SOHLH1: variants seen among roughly 807,000 people sequenced by gnomAD.
SOHLH1 encodes the protein spermatogenesis- and oogenesis-specific basic helix-loop-helix-containing protein 1.
Under a neutral mutation model 36.2 loss-of-function variants are expected in SOHLH1, and 23 were observed. The observed-to-expected ratio is 0.64, with a 90% CI of 0.46 to 0.90. The LOEUF (loss-of-function observed/expected upper bound fraction) is 0.90. Ranked by LOEUF, SOHLH1 falls within the 40% of genes least tolerant of loss-of-function variation. The pLI, the probability that SOHLH1 is intolerant of heterozygous loss-of-function variation, is 0.00. For synonymous variants in SOHLH1, 289 were observed against 228.3 expected (o/e 1.27, Z -2.40); for missense variants, 608 against 517.0 (o/e 1.18, Z -1.71).
Position 135,693,449 on chromosome 9 carries a change from A to G in SOHLH1, c.*148T>C, listed in dbSNP as rs1588227838. On this transcript the variant is annotated 3_prime_UTR_variant, in exon 8 of 8. Coordinates refer to ENST00000425225, the MANE Select transcript of SOHLH1 (RefSeq NM_001101677.2). ...AAACTGCTTTCCCTCTTTAATATTC[A>G]CTATCCTCTTCTCACAGCCTGTAAG... is the stretch of plus-strand genomic sequence containing the variant. 8.8e-7 allele frequency: 1 copy of G among 1,138,612 alleles called. No individual in the cohort carries two copies. Among genetic ancestry groups the G allele is most frequent in the Non-Finnish European group, 1.2e-6 (1 of 825,336 alleles). 70.5% of individuals were successfully genotyped at this position (1,138,612 alleles called of 1,614,324 possible).
At position 135,694,374 on chromosome 9, in the gene SOHLH1, G is replaced by C. The variant is rs1834706850; in HGVS notation, c.946+13C>G. ...CGCGGGGGGACCAGCCCTGAACCCA[G>C]GGCCCCACTCACCCGGCCACGAGCT... is the stretch of plus-strand genomic sequence containing the variant. On this transcript the variant is annotated intron_variant, in intron 7 of 7. Transcript: ENST00000425225. 2 of 1,612,954 alleles carry C rather than the reference G, an allele frequency of 1.2e-6. No individual in the cohort carries two copies. The highest frequency in any genetic ancestry group is 1.7e-6 in the Non-Finnish European group (2 of 1,179,994).
upstream of SOHLH1, among the ~76,000 whole-genome samples, chr9:135,701,235 C>G (rs944882651): frequency 6.6e-6 from 1 of 152,186 alleles, no homozygotes; most frequent in Non-Finnish European, 1.5e-5. Flanking sequence ...CCACCCACCC[C>G]TCAAAAGCAT....
In SOHLH1 at chr9:135,694,155, G is replaced by A. The variant is rs761117651; in HGVS notation, c.946+232C>T. 1,061 of 1,434,864 alleles carry A rather than the reference G, an allele frequency of 7.4e-4. 1 individual carries two copies. The highest frequency in any genetic ancestry group is 1.0e-3 in the Admixed American group (37 of 35,638). 88.9% of individuals were successfully genotyped at this position (1,434,864 alleles called of 1,614,324 possible). A position where few individuals can be genotyped will look rare whatever the true frequency, so the allele number is the denominator to read the frequency against. ...GGAAGAATACAGGGCTCCAAGCACC[G>A]CCAGCTCTCATGCAGGCTCGTCCAC... is the stretch of plus-strand genomic sequence containing the variant. On this transcript the variant is annotated intron_variant, in intron 7 of 7. Coordinates refer to ENST00000425225, the MANE Select transcript of SOHLH1 (RefSeq NM_001101677.2).
intron 5 of SOHLH1, among the ~76,000 whole-genome samples, chr9:135,695,890 C>T (rs775930934): frequency 1.3e-5 from 2 of 152,278 alleles, no homozygotes; most frequent in East Asian, 1.9e-4. Flanking sequence ...TGGGAGGCCT[C>T]GGGCCCCTGG....
upstream of SOHLH1, among the ~76,000 whole-genome samples, chr9:135,701,913 C>G (rs1016859444): frequency 6.6e-6 from 1 of 152,216 alleles, no homozygotes; most frequent in Non-Finnish European, 1.5e-5. Context: ...CACCACGGAG[C>G]CCTCCCAGGG....
upstream of SOHLH1, among the ~76,000 whole-genome samples, chr9:135,701,897 C>G (rs1835045904): frequency 6.6e-6 from 1 of 152,216 alleles, no homozygotes; most frequent in Admixed American, 6.5e-5. Context: ...CCCCTGAGCC[C>G]CCGCCCACCA....
chr9:135,697,038 C>T (rs1018052745), intron 4 of SOHLH1, among the ~76,000 whole-genome samples: 2 of 152,208 alleles, frequency 1.3e-5, no homozygotes, highest in African/African-American at 4.8e-5. Flanking sequence ...AGCTAATTAG[C>T]CACCAGTCCC....
intron 7 of SOHLH1, 115 bp downstream of exon 7, chr9:135,694,272 G>A (rs1039790155): frequency 2.4e-5 from 37 of 1,564,536 alleles, no homozygotes; most frequent in Non-Finnish European, 3.1e-5. Flanking sequence ...GAAAACGGGG[G>A]CTCAGACACA....
At chr9:135,695,781 C>T (rs1834767752) in intron 5 of SOHLH1, among the ~76,000 whole-genome samples, 1 of 152,110 alleles carries the variant, frequency 6.6e-6, no homozygotes, top group African/African-American at 2.4e-5. Context: ...GAGGGGAGTT[C>T]GGTCATCAGA....
upstream of SOHLH1, among the ~76,000 whole-genome samples, chr9:135,700,336 TC>T (rs957679117): frequency 6.6e-6 from 1 of 151,636 alleles, no homozygotes; most frequent in Non-Finnish European, 1.5e-5. Context: ...TGGGCTTGAG[TC>T]CCCCAGTACA....
In SOHLH1 at chr9:135,693,588, G is replaced by C. The variant is rs1251161878; in HGVS notation, c.*9C>G. ...CGGCCCCGCCCGCCTCCTCTCCACA[G>C]CCTGGCTGCTAGCAGGCAAAGAAGT... On this transcript the variant is annotated 3_prime_UTR_variant, in exon 8 of 8. Transcript: ENST00000425225. 1 of 1,558,098 alleles carries C rather than the reference G, an allele frequency of 6.4e-7. No individual in the cohort carries two copies. The highest frequency in any genetic ancestry group is 2.4e-5 in the East Asian group (1 of 41,510).
rs563127995 is a variant in SOHLH1, at chr9:135,694,275, C to G, written c.946+112G>C. On this transcript the variant is annotated intron_variant, in intron 7 of 7. Coordinates refer to ENST00000425225, the MANE Select transcript of SOHLH1 (RefSeq NM_001101677.2). ...ACCAACGGTGGAGAAAACGGGGGCT[C>G]AGACACAGACCCTGGGGCCCCCTGA... The G allele has an allele frequency of 3.8e-6, 6 of 1,570,888 alleles. No homozygotes were observed. The East Asian group carries it at 1.4e-4, about 36-fold the overall frequency.
chr9:135,697,911 T>A (rs503539), intron 3 of SOHLH1, among the ~76,000 whole-genome samples: 12 of 151,682 alleles, frequency 7.9e-5, no homozygotes, highest in Non-Finnish European at 1.6e-4. Flanking sequence ...ACACAGGTCC[T>A]CAGCCCCAGC....
chr9:135,693,708 G>A lies in SOHLH1; in HGVS notation c.1053C>T (p.Ser351=), dbSNP rs370849984. The change falls in exon 8 of 8, where the codon TCC becomes TCT. Residue 351 remains serine, a synonymous_variant. Transcript: ENST00000425225. ...PGFLGDPELG[S]QELQDSPLEP... ...CCAGAGGGCTGTCCTGGAGCTCCTG[G>A]GAGCCAAGCTCAGGGTCCCCTAGGA... The A allele has an allele frequency of 1.3e-6, 2 of 1,575,200 alleles. No homozygotes were observed. The highest frequency in any genetic ancestry group is 8.6e-7 in the Non-Finnish European group (1 of 1,161,320).
intron 4 of SOHLH1, among the ~76,000 whole-genome samples, chr9:135,697,040 A>C (rs966056654): frequency 5.3e-5 from 8 of 152,164 alleles, no homozygotes; most frequent in African/African-American, 1.7e-4. Context: ...CTAATTAGCC[A>C]CCAGTCCCAT....
rs558571915 is a variant in SOHLH1, at chr9:135,694,455, G to A, written c.878C>T (p.Ser293Phe). 2 of 1,613,026 alleles carry A rather than the reference G, an allele frequency of 1.2e-6. No individual in the cohort carries two copies. The highest frequency in any genetic ancestry group is 2.2e-5 in the East Asian group (1 of 44,872). Residue 293 changes from serine to phenylalanine, a missense_variant and splice_region_variant, in exon 7 of 8, where the codon TCT (serine) becomes TTT (phenylalanine). Physicochemically the swap from Ser to Phe is radical, Grantham distance 155. Transcript: ENST00000425225. ...ATCGTCCACATCAGACCCCAACGCAGACCTGGAAGCGACAAGCTCTTCCTC... is the reference window on the plus strand; with the variant it reads ...ATCGTCCACATCAGACCCCAACGCAAACCTGGAAGCGACAAGCTCTTCCTC... ...EDPMLAQEAG[S>F]ALGSDVDDGT...
intron 4 of SOHLH1, among the ~76,000 whole-genome samples, chr9:135,697,159 G>A (rs929348947): frequency 6.6e-6 from 1 of 152,216 alleles, no homozygotes; most frequent in African/African-American, 2.4e-5. Flanking sequence ...CTTGACTTCA[G>A]AAAACTGCAT....
intron 1 of SOHLH1, 70 bp from the exon 2 acceptor site, chr9:135,699,196 G>A: frequency 6.5e-7 from 1 of 1,547,006 alleles, no homozygotes; most frequent in Non-Finnish European, 8.7e-7. Flanking sequence ...CCAGATGCCA[G>A]AATGGGCGTC....
intron 3 of SOHLH1, among the ~76,000 whole-genome samples, chr9:135,697,916 C>T (rs991798699): frequency 1.3e-5 from 2 of 152,012 alleles, no homozygotes; most frequent in African/African-American, 4.8e-5. Flanking sequence ...GGTCCTCAGC[C>T]CCAGCACTCA....
Sources: allele counts gnomAD v4.1 joint callset (sites outside exome capture counted in the v4.1 genomes callset), GRCh38; gene constraint gnomAD v4.1.1; transcripts MANE v1.5; gene names NCBI Gene and HGNC (gene_info 2026-07-23, HGNC 2026-07-21).